PDZD9: variants seen among roughly 807,000 people sequenced by gnomAD.
The protein encoded by PDZD9 is PDZ domain-containing protein 9.
A neutral mutation model predicts 16.3 loss-of-function variants in PDZD9; 13 were observed. That is an observed-to-expected ratio of 0.80 (90% CI 0.52 to 1.27). The LOEUF is 1.27. Ranked by LOEUF, PDZD9 falls within the 50% of genes most tolerant of loss-of-function variation. PDZD9 has a pLI of 0.00. For missense variants in PDZD9, 288 were observed against 310.9 expected (o/e 0.93, Z 0.55); for synonymous variants, 120 against 111.0 (o/e 1.08, Z -0.51).
the PDZD9 span, chr16:21,959,243 C>T: frequency 6.3e-6 from 1 of 159,876 alleles, no homozygotes; most frequent in Non-Finnish European, 1.4e-5. Flanking sequence ...AGCCGTTTAC[C>T]CACAGAACTT....
At chr16:21,988,469 A>G in intron 3 of PDZD9, 133 bp downstream of exon 3, 1 of 735,030 alleles carries the variant, frequency 1.4e-6, no homozygotes, top group Non-Finnish European at 2.1e-6. Flanking sequence ...AACCCAGGAA[A>G]TTACTCTGAC....
the PDZD9 span, among the ~76,000 whole-genome samples, chr16:21,960,006 T>C: frequency 1.3e-5 from 2 of 152,222 alleles, no homozygotes; most frequent in Non-Finnish European, 2.9e-5. Flanking sequence ...TTTAGCATAA[T>C]TCCTAAGGGC....
chr16:21,971,285 ATAATAT>A, the PDZD9 span, among the ~76,000 whole-genome samples: 2 of 152,232 alleles, frequency 1.3e-5, no homozygotes, highest in African/African-American at 4.8e-5. Flanking sequence ...TAAATTGAAG[ATAATAT>A]TAACTACACA....
chr16:21,990,558 T>G (rs529052494), intron 2 of PDZD9, among the ~76,000 whole-genome samples: 47 of 152,198 alleles, frequency 3.1e-4, no homozygotes, highest in Admixed American at 6.5e-4. Context: ...ACCATGTATC[T>G]GAAGCTCACT....
chr16:21,974,023 C>T, the PDZD9 span: 3 of 1,449,902 alleles, frequency 2.1e-6, no homozygotes, highest in Non-Finnish European at 2.8e-6. Flanking sequence ...AGTTATTTCT[C>T]CCCCCCGCCA....
chr16:21,961,259 C>A, the PDZD9 span: 2 of 405,048 alleles, frequency 4.9e-6, no homozygotes, highest in Non-Finnish European at 5.0e-6. Flanking sequence ...AAAAACCCCA[C>A]AGTTTTTAAT....
chr16:21,971,255 G>A, the PDZD9 span, among the ~76,000 whole-genome samples: 2 of 152,070 alleles, frequency 1.3e-5, no homozygotes, highest in African/African-American at 4.8e-5. Flanking sequence ...AATATCAATA[G>A]AATGATACCA....
At chr16:21,995,838 C>T (rs927638286) in intron 2 of PDZD9, among the ~76,000 whole-genome samples, 5 of 152,198 alleles carry the variant, frequency 3.3e-5, no homozygotes, top group Admixed American at 3.3e-4. Context: ...GTCACTCAGG[C>T]TGGAGTGCAG....
chr16:21,975,854 G>T, the PDZD9 span, among the ~76,000 whole-genome samples: 40 of 152,302 alleles, frequency 2.6e-4, no homozygotes, highest in African/African-American at 7.2e-4. Context: ...ACTTTGGGAG[G>T]TTAAGGTGGG....
At chr16:21,983,153 T>C, downstream of PDZD9, 1 of 1,614,042 alleles carries the variant, frequency 6.2e-7, no homozygotes. Flanking sequence ...GACATACACC[T>C]TTTGTTGATG....
chr16:21,960,376 C>CA, the PDZD9 span, among the ~76,000 whole-genome samples: 1 of 152,252 alleles, frequency 6.6e-6, no homozygotes, highest in Non-Finnish European at 1.5e-5. Context: ...TCACCTCTCT[C>CA]AGCCTTCATA....
At chr16:21,975,717 G>GAGATAGC in the PDZD9 span, among the ~76,000 whole-genome samples, 3 of 152,166 alleles carry the variant, frequency 2.0e-5, no homozygotes, top group Non-Finnish European at 4.4e-5. Flanking sequence ...TGAATAGTAA[G>GAGATAGC]AGATAGCAGT....
intron 2 of PDZD9, among the ~76,000 whole-genome samples, chr16:21,989,810 T>C (rs921884025): frequency 3.0e-4 from 45 of 152,122 alleles, no homozygotes; most frequent in African/African-American, 9.9e-4. Flanking sequence ...GAGGACTACA[T>C]CTTGAGCACT....
intron 2 of PDZD9, among the ~76,000 whole-genome samples, chr16:21,991,557 G>C (rs1163602077): frequency 6.6e-6 from 1 of 152,072 alleles, no homozygotes; most frequent in African/African-American, 2.4e-5. Flanking sequence ...TCAAGACTTA[G>C]AATGTCAGAA....
the PDZD9 span, chr16:21,968,555 C>T: frequency 2.7e-5 from 37 of 1,380,728 alleles, no homozygotes; most frequent in South Asian, 5.1e-4. Context: ...TTCTTCCAAA[C>T]TGTACTTTTA....
the PDZD9 span, among the ~76,000 whole-genome samples, chr16:21,964,696 G>A: frequency 6.6e-6 from 1 of 152,132 alleles, no homozygotes; most frequent in Non-Finnish European, 1.5e-5. Flanking sequence ...AATTCCCACT[G>A]CCCTTGCCTT....
rs1031011564 is a variant in PDZD9 at position 21,984,026 on chromosome 16, G to T, written c.*241C>A. On this transcript the variant is annotated 3_prime_UTR_variant, in exon 4 of 4. Transcript: ENST00000424898. The stretch of plus-strand genomic sequence containing the variant: ...TCTCTACGGCATTTTCTAAAAGAAA[G>T]AAATTCTTCTCAAAAAGGAGGGTCT... 8.4e-6 allele frequency: 3 copies of T among 358,686 alleles called. No individual in the cohort carries two copies. Among genetic ancestry groups the T allele is most frequent in the Non-Finnish European group, 1.5e-5 (3 of 199,458 alleles). 22.2% of individuals were successfully genotyped at this position (358,686 alleles called of 1,614,324 possible). A position where few individuals can be genotyped will look rare whatever the true frequency, so the allele number is the denominator to read the frequency against.
the PDZD9 span, chr16:21,971,916 G>T: frequency 1.2e-6 from 2 of 1,613,516 alleles, no homozygotes; most frequent in South Asian, 2.2e-5. Context: ...CCTTAATCTG[G>T]CCCCAGGTGA....
intron 1 of PDZD9, among the ~76,000 whole-genome samples, chr16:22,000,095 A>G (rs944751382): frequency 3.3e-5 from 5 of 152,016 alleles, no homozygotes; most frequent in African/African-American, 1.2e-4. Flanking sequence ...AGTCCCAGCT[A>G]TGGGAGGCTG....
Sources: gnomAD v4.1 joint callset for allele counts (sites outside exome capture counted in the v4.1 genomes callset) on GRCh38, gnomAD v4.1.1 for gene constraint, MANE v1.5 for transcripts, NCBI Gene and HGNC (gene_info 2026-07-23, HGNC 2026-07-21) for gene names.